The following IRF8 variants were observed in gnomAD, a reference collection of about 807,000 sequenced individuals.
IRF8 encodes the protein interferon consensus sequence binding protein 1.
Under a neutral mutation model 48.7 loss-of-function variants are expected in IRF8, and 14 were observed. The observed-to-expected ratio is 0.29, with a 90% CI of 0.19 to 0.45. The LOEUF (loss-of-function observed/expected upper bound fraction) is 0.45. Ranked by LOEUF, IRF8 falls within the 20% of genes least tolerant of loss-of-function variation. The pLI, the probability that IRF8 is intolerant of heterozygous loss-of-function variation, is 1.00. For synonymous variants in IRF8, 278 were observed against 227.3 expected (o/e 1.22, Z -2.01); for missense variants, 493 against 580.7 (o/e 0.85, Z 1.55).
chr16:85,911,154 A>G (rs1023171337), intron 3 of IRF8, among the ~76,000 whole-genome samples: 7 of 152,350 alleles, frequency 4.6e-5, no homozygotes, highest in Admixed American at 2.6e-4. Context: ...TGGCAATACA[A>G]AAAAGACCCC....
intron 8 of IRF8, among the ~76,000 whole-genome samples, chr16:85,920,723 G>A (rs962584245): frequency 1.3e-5 from 2 of 152,218 alleles, no homozygotes; most frequent in Non-Finnish European, 1.5e-5. Flanking sequence ...TGTCTGGGAC[G>A]CGCACAGTCT....
In IRF8 at chr16:85,913,228, C is replaced by T. The variant is rs892689261; in HGVS notation, c.545C>T (p.Pro182Leu). 6.2e-7 allele frequency: 1 copy of T among 1,612,414 alleles called. No homozygotes were observed. The highest frequency in any genetic ancestry group is 1.7e-5 in the Admixed American group (1 of 60,026). The change falls in exon 5 of 9, where the codon CCC becomes CTC. Residue 182 changes from proline (P) to leucine (L), a missense_variant. Transcript: ENST00000268638. The part of the protein sequence containing the change: ...QLLPDWWAQQ[P>L]STGVPLVTGY... ...CTTCCAGACTGGTGGGCGCAGCAGC[C>T]CAGCACAGGTGAGGGTGGGTGGCCT...
At position 85,918,721 on chromosome 16, in the gene IRF8, C is replaced by T. The variant is rs770342843; in HGVS notation, c.906C>T (p.Asn302=). 24 of 1,612,518 alleles carry T rather than the reference C, an allele frequency of 1.5e-5. No homozygotes were observed. The highest frequency in any genetic ancestry group is 1.6e-4 in the Middle Eastern group (1 of 6,084). Residue 302 remains asparagine (N), a synonymous_variant, in exon 7 of 9, where the codon AAC becomes AAT. Transcript: ENST00000268638. ...LCQGRVFCSG[N]AVVCKGRPNK... ...AGGGCCGCGTGTTCTGCAGCGGCAA[C>T]GCCGTGGTGTGCAAAGGCAGGCCCA...
intron 8 of IRF8, 97 bp from the exon 9 acceptor site, chr16:85,921,009 A>C: frequency 8.1e-7 from 1 of 1,230,742 alleles, no homozygotes; most frequent in Non-Finnish European, 1.2e-6. Flanking sequence ...CTCACGTGGC[A>C]CTGGGGTCAT....
At chr16:85,914,194 A>C (rs1164704511) in intron 5 of IRF8, 5 of 497,658 alleles carry the variant, frequency 1.0e-5, no homozygotes, top group Non-Finnish European at 1.8e-5. Flanking sequence ...GGTGGGAAGG[A>C]AATGTGGCCC....
chr16:85,910,276 G>A (rs557879204), intron 3 of IRF8, among the ~76,000 whole-genome samples: 14 of 152,262 alleles, frequency 9.2e-5, no homozygotes, highest in African/African-American at 3.1e-4. Context: ...GTACAATTGC[G>A]GTTTGGGGCG....
chr16:85,905,146 A>C (rs781433969), intron 2 of IRF8, among the ~76,000 whole-genome samples: 2 of 152,132 alleles, frequency 1.3e-5, no homozygotes, highest in African/African-American at 4.8e-5. Flanking sequence ...TCCCCTCCCC[A>C]TTAAGAACCC....
intron 7 of IRF8, among the ~76,000 whole-genome samples, chr16:85,919,373 G>A (rs562143795): frequency 4.6e-5 from 7 of 152,256 alleles, no homozygotes; most frequent in South Asian, 2.1e-4. Flanking sequence ...CCTTCTCCAC[G>A]TCCCCATGCT....
chr16:85,904,690 A>G (rs1307116659), intron 2 of IRF8, among the ~76,000 whole-genome samples: 2 of 152,092 alleles, frequency 1.3e-5, no homozygotes, highest in Non-Finnish European at 2.9e-5. Flanking sequence ...CACACGTTCC[A>G]GATTCTTTCT....
At chr16:85,904,812 CT>C (rs1177860791) in intron 2 of IRF8, among the ~76,000 whole-genome samples, 95 of 87,628 alleles carry the variant, frequency 1.1e-3, no homozygotes, top group Admixed American at 1.5e-3. Flanking sequence ...GATTGCAGAT[CT>C]TTTTTTTTTT....
chr16:85,920,682 G>A (rs147908660), intron 8 of IRF8, among the ~76,000 whole-genome samples: 70 of 152,312 alleles, frequency 4.6e-4, no homozygotes, highest in African/African-American at 1.3e-3. Context: ...TGCGGGAAGC[G>A]GATTCTTGCC....
At chr16:85,902,907 CA>C in intron 1 of IRF8, 107 bp from the exon 2 acceptor site, 1 of 1,236,030 alleles carries the variant, frequency 8.1e-7, no homozygotes, top group Non-Finnish European at 1.2e-6. Flanking sequence ...TCCCCCAAGC[CA>C]GCACCTTTGC....
At chr16:85,920,040 C>T (rs1431361579) in intron 7 of IRF8, 69 bp from the exon 8 acceptor site, 3 of 1,122,318 alleles carry the variant, frequency 2.7e-6, no homozygotes, top group African/African-American at 1.5e-5. Context: ...ATCCCCCAGC[C>T]CTGCTGCTGC....
chr16:85,918,731 T>C lies in IRF8; in HGVS notation c.916T>C (p.Cys306Arg). The C allele has an allele frequency of 1.9e-6, 3 of 1,612,716 alleles. No homozygotes were observed. The highest frequency in any genetic ancestry group is 2.5e-6 in the Non-Finnish European group (3 of 1,180,042). Residue 306 changes from cysteine (C) to arginine (R), a missense_variant, in exon 7 of 9, where the codon TGC becomes CGC. By Grantham distance (180) the Cys-to-Arg change is radical. Coordinates refer to ENST00000268638, the MANE Select transcript of IRF8 (RefSeq NM_002163.4). ...RVFCSGNAVV[C>R]KGRPNKLERD... ...GTTCTGCAGCGGCAACGCCGTGGTGTGCAAAGGCAGGCCCAACAAGCTGGA... is the reference window on the plus strand; with the variant it reads ...GTTCTGCAGCGGCAACGCCGTGGTGCGCAAAGGCAGGCCCAACAAGCTGGA...
In IRF8 at chr16:85,920,190, T is replaced by C. The variant is rs1270074184; in HGVS notation, c.1070T>C (p.Met357Thr). The change falls in exon 8 of 9, where the codon ATG (methionine) becomes ACG (threonine). Residue 357 changes from methionine (M) to threonine (T), a missense_variant. Coordinates refer to ENST00000268638, the MANE Select transcript of IRF8 (RefSeq NM_002163.4). ...TGCTTTGGGGAAGAGTTTCCGGATA[T>C]GGCCCCCTTGCGCTCCAAACTCATT... ...VLCFGEEFPD[M>T]APLRSKLILV... The C allele has an allele frequency of 2.5e-6, 4 of 1,612,220 alleles. No individual in the cohort carries two copies. Among genetic ancestry groups the C allele is most frequent in the Non-Finnish European group, 3.4e-6 (4 of 1,179,158 alleles).
At chr16:85,907,909 G>T (rs951553405) in intron 2 of IRF8, among the ~76,000 whole-genome samples, 1 of 151,898 alleles carries the variant, frequency 6.6e-6, no homozygotes, top group African/African-American at 2.4e-5. Flanking sequence ...TCCCAGACTG[G>T]GTGGCCTTGG....
chr16:85,914,601 T>G, intron 6 of IRF8, 81 bp downstream of exon 6: 1 of 1,519,482 alleles, frequency 6.6e-7, no homozygotes, highest in Non-Finnish European at 9.1e-7. Context: ...GTTGCGGGGT[T>G]TCGAGGATGA....
chr16:85,912,778 G>T (rs1487109470), intron 4 of IRF8, among the ~76,000 whole-genome samples: 1 of 152,250 alleles, frequency 6.6e-6, no homozygotes, highest in Non-Finnish European at 1.5e-5. Flanking sequence ...CCTTTGGCCA[G>T]CATCACTGTT....
chr16:85,907,708 T>C (rs1363169190), intron 2 of IRF8, among the ~76,000 whole-genome samples: 1 of 151,720 alleles, frequency 6.6e-6, no homozygotes. Context: ...TAAATAAAAA[T>C]AAAAAATAAA....
Sources: gnomAD v4.1 joint callset for allele counts (sites outside exome capture counted in the v4.1 genomes callset) on GRCh38, gnomAD v4.1.1 for gene constraint, MANE v1.5 for transcripts, NCBI Gene and HGNC (gene_info 2026-07-23, HGNC 2026-07-21) for gene names.